Variants in KDM5B observed in about 807,000 individuals in gnomAD.
KDM5B encodes lysine demethylase 5B, also known as lysine-specific demethylase 5B.
Under a neutral mutation model 193.4 loss-of-function variants are expected in KDM5B, and 144 were observed. That is an observed-to-expected ratio of 0.74 (90% CI 0.65 to 0.86). The LOEUF (loss-of-function observed/expected upper bound fraction) is 0.86, where lower values mean the gene tolerates loss of function less well. Ranked by LOEUF, KDM5B falls within the 40% of genes least tolerant of loss-of-function variation. The probability of loss-of-function intolerance (pLI) is 0.00; values close to 1 mark genes in which losing one functional copy is unlikely to be tolerated. For missense variants in KDM5B, 1,833 were observed against 1,886.9 expected (o/e 0.97, Z 0.53); for synonymous variants, 668 against 682.6 (o/e 0.98, Z 0.33).
At chr1:202,743,986 A>T (rs1655451864) in intron 16 of KDM5B, among the ~76,000 whole-genome samples, 1 of 152,234 alleles carries the variant, frequency 6.6e-6, no homozygotes, top group Admixed American at 6.5e-5. Flanking sequence ...AAAAACTGAC[A>T]AATGGGATCT....
At chr1:202,760,391 G>GTTACCTCTACTATTAATTA in intron 8 of KDM5B, 24 bp downstream of exon 8, 1 of 1,547,454 alleles carries the variant, frequency 6.5e-7, no homozygotes, top group Non-Finnish European at 8.7e-7. Flanking sequence ...TTTTTCTAGT[G>GTTACCTCTACTATTAATTA]TTACCTCTAC....
At chr1:202,763,550 T>C (rs1457806865) in intron 6 of KDM5B, among the ~76,000 whole-genome samples, 1 of 152,272 alleles carries the variant, frequency 6.6e-6, no homozygotes, top group African/African-American at 2.4e-5. Context: ...TTAATTTGTA[T>C]GTGCCTCCTA....
At chr1:202,770,520 G>A (rs1656669391) in intron 4 of KDM5B, among the ~76,000 whole-genome samples, 1 of 151,952 alleles carries the variant, frequency 6.6e-6, no homozygotes. Context: ...TTACATACAA[G>A]GAATATTCAT....
chr1:202,758,699 T>C (rs1346735177), intron 8 of KDM5B, among the ~76,000 whole-genome samples, 189 bp from the exon 9 acceptor site: 1 of 152,232 alleles, frequency 6.6e-6, no homozygotes, highest in Non-Finnish European at 1.5e-5. Flanking sequence ...ATACATTTTA[T>C]TTATTTGCTA....
At position 202,799,640 on chromosome 1, in the gene KDM5B, A is replaced by G. The variant is rs191349968; in HGVS notation, c.204+8462T>C. ...TGCATGCACTCCAGCCTGGGTGACAAGCGTGAAACTCCATCTCAAAAAAAA... is the reference window on the plus strand; with the variant it reads ...TGCATGCACTCCAGCCTGGGTGACAGGCGTGAAACTCCATCTCAAAAAAAA... On this transcript the variant is annotated intron_variant, in intron 1 of 26. Coordinates refer to ENST00000367265, the MANE Select transcript of KDM5B (RefSeq NM_006618.5). 5.2e-3 allele frequency among the ~76,000 whole-genome samples: 780 copies of G among 150,294 alleles called. 32 individuals are homozygous for G. Among genetic ancestry groups the G allele is most frequent in the Admixed American group, 0.048 (710 of 14,928 alleles).
chr1:202,768,420 G>GCACTAA (rs1338103892), intron 4 of KDM5B, among the ~76,000 whole-genome samples: 1 of 152,108 alleles, frequency 6.6e-6, no homozygotes, highest in African/African-American at 2.4e-5. Context: ...CCTTCCTGAA[G>GCACTAA]CACTAACACT....
At chr1:202,782,008 ACAATAT>A (rs1657217968) in intron 1 of KDM5B, among the ~76,000 whole-genome samples, 1 of 28,474 alleles carries the variant, frequency 3.5e-5, no homozygotes, top group Non-Finnish European at 2.3e-4. Flanking sequence ...GAATATATAC[ACAATAT>A]ACTTATTTTA....
Position 202,749,119 on chromosome 1 carries a change from A to G in KDM5B, c.1842T>C (p.Cys614=). Residue 614 remains cysteine (C), a synonymous_variant, in exon 14 of 27, where the codon TGT becomes TGC. Coordinates refer to ENST00000367265, the MANE Select transcript of KDM5B (RefSeq NM_006618.5). ...TVDWLPLGRQ[C]VEHYRLLHRY... is the part of the protein sequence containing the mutation. The stretch of plus-strand genomic sequence containing the variant: ...GATGAAGCAAGCGATAATGCTCCAC[A>G]CACTGTCGGCCTAATGGCAGCTGTA... 6.2e-7 allele frequency: 1 copy of G among 1,610,660 alleles called. No homozygotes were observed.
rs1654645082 is a variant in KDM5B, at chr1:202,725,539, G to A, written c.*3497C>T. ...CACTGCTGCTTCATAGTCACTAGGA[G>A]TTGAGGGACCCTGACCCTCATACAT... On this transcript the variant is annotated 3_prime_UTR_variant, in exon 27 of 27. Coordinates refer to ENST00000367265, the MANE Select transcript of KDM5B (RefSeq NM_006618.5). The A allele has an allele frequency of 6.6e-6, 1 of 152,206 alleles. No homozygotes were observed. The highest frequency in any genetic ancestry group is 1.5e-5 in the Non-Finnish European group (1 of 68,028). The allele number at this position is 152,206 out of a possible 1,614,324, so 9.4% of individuals were successfully genotyped here.
intron 1 of KDM5B, among the ~76,000 whole-genome samples, chr1:202,794,408 A>G (rs1279066491): frequency 6.6e-6 from 1 of 152,222 alleles, no homozygotes; most frequent in East Asian, 1.9e-4. Context: ...GTGCTTAATG[A>G]AAAGTTCCAA....
chr1:202,734,033 C>T (rs531870848), intron 22 of KDM5B, 147 bp from the exon 23 acceptor site: 109 of 1,004,244 alleles, frequency 1.1e-4, no homozygotes, highest in Middle Eastern at 5.2e-4. Flanking sequence ...TGTGAGTGAC[C>T]TGGTGCCATG....
intron 1 of KDM5B, among the ~76,000 whole-genome samples, chr1:202,806,270 A>G (rs1318952420): frequency 6.6e-6 from 1 of 152,210 alleles, no homozygotes; most frequent in Non-Finnish European, 1.5e-5. Flanking sequence ...CTGACTCCCC[A>G]CGTTTTGGTT....
chr1:202,808,347 G>GA lies in KDM5B; in HGVS notation c.-43dup, dbSNP rs755459322. 1 of 1,503,300 alleles carries GA rather than the reference G, an allele frequency of 6.7e-7. No individual in the cohort carries two copies. The highest frequency in any genetic ancestry group is 1.4e-5 in the African/African-American group (1 of 72,514). 93.1% of individuals were successfully genotyped at this position (1,503,300 alleles called of 1,614,324 possible). A position where few individuals can be genotyped will look rare whatever the true frequency, so the allele number is the denominator to read the frequency against. ...AGGGCGAGGCGAAGGTGGGCTCCGGGACCGAGGCTGCGAGCTCCGCTCGGT... is the reference window on the plus strand; with the variant it reads ...AGGGCGAGGCGAAGGTGGGCTCCGGGAACCGAGGCTGCGAGCTCCGCTCGGT... On this transcript the variant is annotated 5_prime_UTR_variant, in exon 1 of 27. Transcript: ENST00000367265.
rs759043359 is a variant in KDM5B, at chr1:202,769,584, G to A, written c.577-2524C>T. On this transcript the variant is annotated intron_variant, in intron 4 of 26. Coordinates refer to ENST00000367265, the MANE Select transcript of KDM5B (RefSeq NM_006618.5). The stretch of plus-strand genomic sequence containing the variant: ...CTCGGGACACTGAGGCAGGAGAATC[G>A]CTTGAACCAGGGTGGCGGATGTTGC... Among the ~76,000 whole-genome samples, 8 of 143,754 alleles carry A rather than the reference G, an allele frequency of 5.6e-5. No individual in the cohort carries two copies. The East Asian group carries it at 1.3e-3, about 22-fold the overall frequency. 94.3% of individuals were successfully genotyped at this position (143,754 alleles called of 152,430 possible).
At chr1:202,786,157 G>A (rs1488191005) in intron 1 of KDM5B, among the ~76,000 whole-genome samples, 1 of 124,394 alleles carries the variant, frequency 8.0e-6, no homozygotes, top group East Asian at 2.7e-4. Context: ...ACACCACCAT[G>A]ACCAGCTAAT....
intron 1 of KDM5B, among the ~76,000 whole-genome samples, chr1:202,803,770 A>G (rs1658175195): frequency 6.6e-6 from 1 of 151,902 alleles, no homozygotes; most frequent in African/African-American, 2.4e-5. Flanking sequence ...AGTGAGCAAC[A>G]TGACGTTGCG....
chr1:202,731,976 C>T (rs745663479), intron 23 of KDM5B, 37 bp from the exon 24 acceptor site: 2 of 1,423,708 alleles, frequency 1.4e-6, no homozygotes, highest in East Asian at 2.4e-5. Context: ...AAAATCTCTT[C>T]AGGATTAAAA....
At position 202,753,664 on chromosome 1, in the gene KDM5B, G is replaced by GTTTT. The variant is rs771281999; in HGVS notation, c.1539-601_1539-598dup. On this transcript the variant is annotated intron_variant, in intron 11 of 26. Transcript: ENST00000367265. ...CTAGAATTTCTCTTTTGTTGTTGTT[G>GTTTT]TTTTTTTTTTGTTTTTTTTTTTTGA... Among the ~76,000 whole-genome samples, 96 of 105,802 alleles carry GTTTT rather than the reference G, an allele frequency of 9.1e-4. 4 individuals are homozygous for GTTTT. The highest frequency in any genetic ancestry group is 1.1e-3 in the African/African-American group (36 of 34,258). The allele number at this position is 105,802 out of a possible 152,430, so 69.4% of individuals were successfully genotyped here. A position where few individuals can be genotyped will look rare whatever the true frequency, so the allele number is the denominator to read the frequency against.
intron 8 of KDM5B, 55 bp from the exon 9 acceptor site, chr1:202,758,565 G>C (rs1656112659): frequency 7.0e-7 from 1 of 1,434,054 alleles, no homozygotes; most frequent in Non-Finnish European, 9.5e-7. Context: ...AAGTATACTT[G>C]GTCAATCATC....
Sources: allele counts gnomAD v4.1 joint callset (sites outside exome capture counted in the v4.1 genomes callset), GRCh38; gene constraint gnomAD v4.1.1; transcripts MANE v1.5; gene names NCBI Gene and HGNC (gene_info 2026-07-23, HGNC 2026-07-21).